The following LRRC41 variants were observed in gnomAD, a reference collection of about 807,000 sequenced individuals.
LRRC41 encodes the protein leucine-rich repeat-containing protein 41.
LRRC41 carries 17 observed loss-of-function variants against 72.1 expected under a neutral mutation model. That is an observed-to-expected ratio of 0.24 (90% CI 0.16 to 0.35). The LOEUF is 0.35. Ranked by LOEUF, LRRC41 falls within the 10% of genes least tolerant of loss-of-function variation. The pLI is 1.00. For synonymous variants in LRRC41, 427 were observed against 431.0 expected (o/e 0.99, Z 0.11); for missense variants, 759 against 1,065.0 (o/e 0.71, Z 4.00).
At chr1:46,301,389 G>C (rs1661219723) in intron 1 of LRRC41, among the ~76,000 whole-genome samples, 3 of 152,000 alleles carry the variant, frequency 2.0e-5, no homozygotes, top group African/African-American at 7.3e-5. Context: ...GGACTTTTCT[G>C]AGCTCCCTGC....
Position 46,303,137 on chromosome 1 carries a change from C to T in LRRC41, c.186G>A (p.Glu62=). The T allele has an allele frequency of 2.0e-6, 3 of 1,486,336 alleles. No individual in the cohort carries two copies. The highest frequency in any genetic ancestry group is 2.7e-6 in the Non-Finnish European group (3 of 1,121,096). The allele number at this position is 1,486,336 out of a possible 1,614,324, so 92.1% of individuals were successfully genotyped here. ...CCCGCGACTTACCCCACACCCCGCT[C>T]TCCAGAACCCCCATATGGGCGCTCA... ...RAVSAHMGVL[E]SGVWALPGPI... Residue 62 remains glutamate (E), a synonymous_variant, in exon 1 of 10, where the codon GAG becomes GAA. Coordinates refer to ENST00000617190, the MANE Select transcript of LRRC41 (RefSeq NM_006369.5).
chr1:46,303,387 T>C lies in LRRC41; in HGVS notation c.-65A>G. The C allele has an allele frequency of 7.2e-7, 1 of 1,392,940 alleles. No individual in the cohort carries two copies. The highest frequency in any genetic ancestry group is 2.8e-5 in the Admixed American group (1 of 36,060). 86.3% of individuals were successfully genotyped at this position (1,392,940 alleles called of 1,614,324 possible). A position where few individuals can be genotyped will look rare whatever the true frequency, so the allele number is the denominator to read the frequency against. On this transcript the variant is annotated 5_prime_UTR_variant, in exon 1 of 10. It removes the in-frame stop codon of an upstream open reading frame in the 5' UTR. Transcript: ENST00000617190. ...CCGCCATCTTGAAAAGGTCAGCAGT[T>C]AGGACGGCTCCATAAGCGATATGGG...
chr1:46,286,518 G>T lies in LRRC41; in HGVS notation c.358-19C>A. 6.4e-7 allele frequency: 1 copy of T among 1,568,990 alleles called. No individual in the cohort carries two copies. Among genetic ancestry groups the T allele is most frequent in the South Asian group, 1.2e-5 (1 of 84,470 alleles). On this transcript the variant is annotated intron_variant, in intron 3 of 9. Coordinates refer to ENST00000617190, the MANE Select transcript of LRRC41 (RefSeq NM_006369.5). This position sits in a 1 kb window ranked among gnomAD's most constrained non-coding sequence, Gnocchi z 5.5. ...TCACACTCTGAAACGCAGAAAACAT[G>T]CCAGACAGCCATGATATATCCATGA...
Position 46,278,258 on chromosome 1 carries a change from TGAG to T in LRRC41, c.*604_*606del. The T allele has an allele frequency of 6.2e-7, 1 of 1,613,552 alleles. No individual in the cohort carries two copies. The highest frequency in any genetic ancestry group is 8.5e-7 in the Non-Finnish European group (1 of 1,179,858). On this transcript the variant is annotated 3_prime_UTR_variant, in exon 10 of 10. Transcript: ENST00000617190. ...CCTTCGTCTTCCACCAGCGTTCTCA[TGAG>T]GAGCAGCGGGGCCTCCGCTGATAAC...
chr1:46,302,387 G>A lies in LRRC41; in HGVS notation c.199+737C>T. The A allele has an allele frequency of 1.0e-6, 1 of 985,282 alleles. No individual in the cohort carries two copies. The highest frequency in any genetic ancestry group is 4.7e-5 in the South Asian group (1 of 21,286). 61.0% of individuals were successfully genotyped at this position (985,282 alleles called of 1,614,324 possible). A position where few individuals can be genotyped will look rare whatever the true frequency, so the allele number is the denominator to read the frequency against. Reference sequence around the variant, plus strand: ...TCTCCGGTCCCTCCTCGCCGCTCGAGCCGATCCGAGTGGCCTCCGGCGCTC... The same window carrying A: ...TCTCCGGTCCCTCCTCGCCGCTCGAACCGATCCGAGTGGCCTCCGGCGCTC... On this transcript the variant is annotated intron_variant, in intron 1 of 9. Transcript: ENST00000617190. This position sits in a 1 kb window ranked among gnomAD's most constrained non-coding sequence, Gnocchi z 4.7.
At position 46,278,023 on chromosome 1, in the gene LRRC41, G is replaced by A. The variant is rs2148308393; in HGVS notation, c.*842C>T. On this transcript the variant is annotated 3_prime_UTR_variant, in exon 10 of 10. Coordinates refer to ENST00000617190, the MANE Select transcript of LRRC41 (RefSeq NM_006369.5). ...CCATTATCTCTAAGCTACCCACACAGTAGGGAGATGGGATCTGTAGTGACT... is the reference window on the plus strand; with the variant it reads ...CCATTATCTCTAAGCTACCCACACAATAGGGAGATGGGATCTGTAGTGACT... The A allele has an allele frequency of 1.9e-6, 3 of 1,614,126 alleles. No homozygotes were observed. The highest frequency in any genetic ancestry group is 1.3e-5 in the African/African-American group (1 of 75,066).
At chr1:46,288,747 CCT>C (rs1660937287) in intron 3 of LRRC41, among the ~76,000 whole-genome samples, 1 of 152,180 alleles carries the variant, frequency 6.6e-6, no homozygotes, top group African/African-American at 2.4e-5. Context: ...GGAATGACTT[CCT>C]GCTTGAAATA....
intron 3 of LRRC41, among the ~76,000 whole-genome samples, chr1:46,296,126 AGGTCCTTGCCGGGC>A (rs1661120813): frequency 6.6e-6 from 1 of 152,206 alleles, no homozygotes; most frequent in East Asian, 1.9e-4. Context: ...TTAAACTGGT[AGGTCCTTGCCGGGC>A]GAGGTGGCTC....
At position 46,279,452 on chromosome 1, in the gene LRRC41, A is replaced by C. The variant is rs781022528; in HGVS notation, c.2143+40T>G. On this transcript the variant is annotated intron_variant, in intron 8 of 9. Coordinates refer to ENST00000617190, the MANE Select transcript of LRRC41 (RefSeq NM_006369.5). This position sits in a 1 kb window ranked among gnomAD's most constrained non-coding sequence, Gnocchi z 4.5. ...CAGTGAGTTTTTAGGTCAAAGGCCT[A>C]GCTCCTTTCCCCTCTCCCTCCCCAG... is the stretch of plus-strand genomic sequence containing the variant. 6.1e-5 allele frequency: 98 copies of C among 1,613,978 alleles called. No individual in the cohort carries two copies. The highest frequency in any genetic ancestry group is 7.8e-5 in the Non-Finnish European group (92 of 1,179,988).
Position 46,285,618 on chromosome 1 carries a change from C to T in LRRC41, c.1239G>A (p.Leu413=), listed in dbSNP as rs138123669. 1.5e-4 allele frequency: 249 copies of T among 1,613,986 alleles called. No homozygotes were observed. The highest frequency in any genetic ancestry group is 2.3e-4 in the Admixed American group (14 of 59,966). The stretch of plus-strand genomic sequence containing the variant: ...CAGCCACAATAAAAACGAAGTCATA[C>T]AGGTCTTCAGACTCTGCACCAGGCC... ...RQGPGAESED[L]YDFVFIVAGE... The change falls in exon 4 of 10, where the codon CTG becomes CTA. Residue 413 remains leucine (L), a synonymous_variant. Coordinates refer to ENST00000617190, the MANE Select transcript of LRRC41 (RefSeq NM_006369.5). The surrounding 1 kb of genome is among the most constrained non-coding windows in gnomAD (Gnocchi z 5.3).
intron 3 of LRRC41, among the ~76,000 whole-genome samples, chr1:46,288,083 T>C (rs1660922862): frequency 1.3e-5 from 2 of 152,228 alleles, no homozygotes; most frequent in Admixed American, 1.3e-4. Flanking sequence ...AAAATTCATA[T>C]ACCAGACACC....
intron 1 of LRRC41, 48 bp from the exon 2 acceptor site, chr1:46,298,418 A>G (rs1285721557): frequency 8.5e-7 from 1 of 1,170,400 alleles, no homozygotes; most frequent in Non-Finnish European, 1.2e-6. Flanking sequence ...TCCCCCTCCC[A>G]CCCAAGAGGT....
chr1:46,277,708 C>A lies in LRRC41; in HGVS notation c.*1157G>T. On this transcript the variant is annotated 3_prime_UTR_variant, in exon 10 of 10. Coordinates refer to ENST00000617190, the MANE Select transcript of LRRC41 (RefSeq NM_006369.5). ...TCTGGGACTCATACTTTTTATTCATCTCCTCTTCTCGGGTAGCTGTAGTTT... is the reference window on the plus strand; with the variant it reads ...TCTGGGACTCATACTTTTTATTCATATCCTCTTCTCGGGTAGCTGTAGTTT... The A allele has an allele frequency of 7.9e-7, 1 of 1,265,386 alleles. No homozygotes were observed. Among genetic ancestry groups the A allele is most frequent in the Non-Finnish European group, 1.1e-6 (1 of 878,528 alleles). The allele number at this position is 1,265,386 out of a possible 1,614,324, so 78.4% of individuals were successfully genotyped here.
In LRRC41 at chr1:46,278,832, T is replaced by A; in HGVS notation, c.*33A>T. The A allele has an allele frequency of 6.3e-7, 1 of 1,590,646 alleles. No homozygotes were observed. The highest frequency in any genetic ancestry group is 1.1e-5 in the South Asian group (1 of 90,466). On this transcript the variant is annotated 3_prime_UTR_variant, in exon 10 of 10. Transcript: ENST00000617190. ...TGCTTCAGCCCCTGCAAGCTGATGG[T>A]ACCGAGCATGAGACTGTGAGGTACG...
chr1:46,280,089 G>A (rs987565717), intron 7 of LRRC41, 103 bp downstream of exon 7: 40 of 862,060 alleles, frequency 4.6e-5, no homozygotes, highest in Admixed American at 2.4e-4. Flanking sequence ...TTTTATAGCT[G>A]AGGACACAAG....
In LRRC41 at chr1:46,285,609, G is replaced by C; in HGVS notation, c.1248C>G (p.Phe416Leu). Residue 416 changes from phenylalanine (F) to leucine (L), a missense_variant, in exon 4 of 10, where the codon TTC (phenylalanine) becomes TTG (leucine). Physicochemically the swap from Phe to Leu is conservative, Grantham distance 22 (BLOSUM62 0). This residue lies in a region of LRRC41 where 427 missense variants were observed against 520.9 expected (regional missense o/e 0.82). Coordinates refer to ENST00000617190, the MANE Select transcript of LRRC41 (RefSeq NM_006369.5). The surrounding 1 kb of genome is among the most constrained non-coding windows in gnomAD (Gnocchi z 5.3). ...CCTTCTCGCCAGCCACAATAAAAACGAAGTCATACAGGTCTTCAGACTCTG... is the reference window on the plus strand; with the variant it reads ...CCTTCTCGCCAGCCACAATAAAAACCAAGTCATACAGGTCTTCAGACTCTG... ...PGAESEDLYD[F>L]VFIVAGEKED... is the part of the protein sequence containing the mutation. The C allele has an allele frequency of 6.2e-7, 1 of 1,613,970 alleles. No individual in the cohort carries two copies. Among genetic ancestry groups the C allele is most frequent in the Non-Finnish European group, 8.5e-7 (1 of 1,179,944 alleles).
intron 2 of LRRC41, 49 bp downstream of exon 2, chr1:46,298,235 G>C: frequency 7.7e-7 from 1 of 1,304,842 alleles, no homozygotes. Context: ...GAACATTATG[G>C]TGCCTTGCTC....
In LRRC41 at chr1:46,278,638, A is replaced by G. The variant is rs1232607253; in HGVS notation, c.*227T>C. 2 of 610,628 alleles carry G rather than the reference A, an allele frequency of 3.3e-6. No individual in the cohort carries two copies. Among genetic ancestry groups the G allele is most frequent in the Non-Finnish European group, 5.7e-6 (2 of 348,538 alleles). The allele number at this position is 610,628 out of a possible 1,614,324, so 37.8% of individuals were successfully genotyped here. On this transcript the variant is annotated 3_prime_UTR_variant, in exon 10 of 10. Transcript: ENST00000617190. The stretch of plus-strand genomic sequence containing the variant: ...TGTAACCTCCTGGCCCAGGGTTCCC[A>G]GGATACTGAGTAAGGGGCCCAAAGA...
Position 46,278,610 on chromosome 1 carries a change from C to T in LRRC41, c.*255G>A. On this transcript the variant is annotated 3_prime_UTR_variant, in exon 10 of 10. Transcript: ENST00000617190. ...GGATCTCTTCAGCAATTATGATGAC[C>T]ACTGTAACCTCCTGGCCCAGGGTTC... is the stretch of plus-strand genomic sequence containing the variant. 1.6e-6 allele frequency: 1 copy of T among 606,142 alleles called. No individual in the cohort carries two copies. Among genetic ancestry groups the T allele is most frequent in the South Asian group, 2.1e-5 (1 of 48,758 alleles). The allele number at this position is 606,142 out of a possible 1,614,324, so 37.5% of individuals were successfully genotyped here.
Sources: allele counts gnomAD v4.1 joint callset (sites outside exome capture counted in the v4.1 genomes callset), GRCh38; gene constraint gnomAD v4.1.1; regional missense constraint gnomAD v4.1.1; non-coding constraint Gnocchi (gnomAD v3.1); transcripts MANE v1.5; gene names NCBI Gene and HGNC (gene_info 2026-07-23, HGNC 2026-07-21).